Variants in ZNF236 observed in about 807,000 individuals in gnomAD.
ZNF236 encodes regulated by glucose.
ZNF236 carries 50 observed loss-of-function variants against 191.2 expected under a neutral mutation model. That is an observed-to-expected ratio of 0.26 (90% CI 0.21 to 0.33). The LOEUF (loss-of-function observed/expected upper bound fraction) is 0.33, where lower values mean the gene tolerates loss of function less well. Ranked by LOEUF, ZNF236 falls within the 10% of genes least tolerant of loss-of-function variation. ZNF236 has a pLI of 1.00. For synonymous variants in ZNF236, 907 were observed against 928.8 expected, an observed-to-expected ratio of 0.98 and a Z score of 0.43; for missense variants, 1,754 against 2,374.5, an observed-to-expected ratio of 0.74 and a Z score of 5.43.
At chr18:76,862,105 C>T (rs757636691) in intron 3 of ZNF236, among the ~76,000 whole-genome samples, 1 of 152,112 alleles carries the variant, frequency 6.6e-6, no homozygotes, top group Non-Finnish European at 1.5e-5. Flanking sequence ...CCTAGTGATC[C>T]GTCTGCCTCA....
chr18:76,849,816 A>G (rs1975805109), intron 2 of ZNF236, 148 bp downstream of exon 2: 1 of 744,188 alleles, frequency 1.3e-6, no homozygotes, highest in Non-Finnish European at 1.9e-6. Context: ...GGCCTTTTTA[A>G]AAGTTGTAGT....
At chr18:76,825,135 G>T (rs1423041223) in intron 1 of ZNF236, among the ~76,000 whole-genome samples, 1 of 152,136 alleles carries the variant, frequency 6.6e-6, no homozygotes, top group Non-Finnish European at 1.5e-5. Context: ...TTGTCTTAGG[G>T]CATTTGCCAT....
chr18:76,926,977 A>G, intron 22 of ZNF236, 60 bp from the exon 23 acceptor site: 3 of 1,546,434 alleles, frequency 1.9e-6, no homozygotes, highest in Non-Finnish European at 2.6e-6. Context: ...AAAATGAATT[A>G]CTTTAGTTTT....
intron 3 of ZNF236, among the ~76,000 whole-genome samples, chr18:76,868,230 A>G (rs1221692943): frequency 6.6e-6 from 1 of 152,094 alleles, no homozygotes; most frequent in Non-Finnish European, 1.5e-5. Flanking sequence ...CAAGACAGTG[A>G]TGTGGTCTAT....
At chr18:76,884,744 T>C (rs1290438616) in intron 9 of ZNF236, among the ~76,000 whole-genome samples, 1 of 152,176 alleles carries the variant, frequency 6.6e-6, no homozygotes, top group Non-Finnish European at 1.5e-5. Flanking sequence ...TTTGAAATTA[T>C]TATCTCTGCA....
intron 25 of ZNF236, among the ~76,000 whole-genome samples, chr18:76,930,587 AGT>A (rs1378856686): frequency 6.6e-6 from 1 of 152,222 alleles, no homozygotes; most frequent in African/African-American, 2.4e-5. Flanking sequence ...CAGGCATGTT[AGT>A]GTGTACTTGA....
Position 76,968,957 on chromosome 18 carries a change from G to A in ZNF236, c.*618G>A. On this transcript the variant is annotated 3_prime_UTR_variant, in exon 31 of 31. Transcript: ENST00000320610. ...ACAAATGTTTAATCATTAGTTACAA[G>A]AATGCAGTATCTGGGGCGTCAACAT... is the stretch of plus-strand genomic sequence containing the variant. 1 of 985,966 alleles carries A rather than the reference G, an allele frequency of 1.0e-6. No individual in the cohort carries two copies. The highest frequency in any genetic ancestry group is 4.7e-5 in the South Asian group (1 of 21,288). The allele number at this position is 985,966 out of a possible 1,614,324, so 61.1% of individuals were successfully genotyped here.
chr18:76,960,636 A>G lies in ZNF236; in HGVS notation c.5243-43A>G, dbSNP rs753160229. 4 of 1,611,732 alleles carry G rather than the reference A, an allele frequency of 2.5e-6. No individual in the cohort carries two copies. In the South Asian group the frequency reaches 3.3e-5, roughly 13 times the overall value. On this transcript the variant is annotated intron_variant, in intron 29 of 30. Coordinates refer to ENST00000320610, the MANE Select transcript of ZNF236 (RefSeq NM_001306089.2). This position sits in a 1 kb window ranked among gnomAD's most constrained non-coding sequence, Gnocchi z 4.4. ...TCAGGGTAGAGCCCAGGCATCCACT[A>G]TACTTTTCTTAGAGACATTGACATA...
At chr18:76,910,631 T>C (rs1391893697) in intron 15 of ZNF236, 29 bp from the exon 16 acceptor site, 6 of 1,598,334 alleles carry the variant, frequency 3.8e-6, no homozygotes, top group Non-Finnish European at 5.1e-6. Flanking sequence ...AATATTTTTG[T>C]AGAACTCCTC....
At chr18:76,967,885 A>G (rs900091193) in intron 30 of ZNF236, among the ~76,000 whole-genome samples, 2 of 152,118 alleles carry the variant, frequency 1.3e-5, no homozygotes, top group South Asian at 2.1e-4. Context: ...TTTAACGTCT[A>G]CACTGTAGTG....
Position 76,937,805 on chromosome 18 carries a change from G to A in ZNF236, c.4782+462G>A, listed in dbSNP as rs1968040142. On this transcript the variant is annotated intron_variant, in intron 26 of 30. Transcript: ENST00000320610. ...ATTCTTAGATGAATTCCTACCAGTA[G>A]AAGTGCTGTGCCAAAGGGGTGTACA... Among the ~76,000 whole-genome samples, 3 of 152,298 alleles carry A rather than the reference G, an allele frequency of 2.0e-5. No individual in the cohort carries two copies. The South Asian group carries it at 6.2e-4, about 32-fold the overall frequency.
In ZNF236 at chr18:76,824,594, G is replaced by T. The variant is rs139560995; in HGVS notation, c.55+1932G>T. Among the ~76,000 whole-genome samples the T allele has an allele frequency of 2.8e-3, 426 of 152,294 alleles. 1 individual carries two copies. Among genetic ancestry groups the T allele is most frequent in the Middle Eastern group, 0.017 (5 of 294 alleles). ...AAATAATGTAAGGTGCAGTGTCTCAGTTACTTGGAAGAAGGCTTAGGATAG... is the reference window on the plus strand; with the variant it reads ...AAATAATGTAAGGTGCAGTGTCTCATTTACTTGGAAGAAGGCTTAGGATAG... On this transcript the variant is annotated intron_variant, in intron 1 of 30. Coordinates refer to ENST00000320610, the MANE Select transcript of ZNF236 (RefSeq NM_001306089.2).
intron 26 of ZNF236, among the ~76,000 whole-genome samples, chr18:76,944,511 T>A (rs1968210661): frequency 6.6e-6 from 1 of 152,214 alleles, no homozygotes; most frequent in Non-Finnish European, 1.5e-5. Context: ...TAAGGTTGGC[T>A]GGGGGTGTGG....
chr18:76,843,792 A>AG (rs1975588472), intron 1 of ZNF236, among the ~76,000 whole-genome samples: 1 of 136,378 alleles, frequency 7.3e-6, no homozygotes, highest in African/African-American at 2.7e-5. Context: ...AAAAAAAAAA[A>AG]AAAAAAAAAA....
At chr18:76,827,401 T>C (rs755876316) in intron 1 of ZNF236, among the ~76,000 whole-genome samples, 20 of 152,176 alleles carry the variant, frequency 1.3e-4, no homozygotes, top group Non-Finnish European at 2.4e-4. Flanking sequence ...TTAGCTAGGA[T>C]GGTCTCGAAC....
chr18:76,899,325 T>A, intron 11 of ZNF236, 103 bp downstream of exon 11: 1 of 1,013,864 alleles, frequency 9.9e-7, no homozygotes, highest in Non-Finnish European at 1.4e-6. Context: ...TTAAATAGTT[T>A]TTTAGGCATA....
At chr18:76,943,882 T>TTA (rs1241295508) in intron 26 of ZNF236, among the ~76,000 whole-genome samples, 1 of 152,218 alleles carries the variant, frequency 6.6e-6, no homozygotes, top group Non-Finnish European at 1.5e-5. Flanking sequence ...GTTTTAAGTT[T>TTA]ATTAAGAGTT....
At chr18:76,848,281 C>G (rs1471227205) in intron 1 of ZNF236, among the ~76,000 whole-genome samples, 1 of 152,220 alleles carries the variant, frequency 6.6e-6, no homozygotes, top group African/African-American at 2.4e-5. Context: ...GGTTCTTCAG[C>G]TTACCCTGTA....
intron 1 of ZNF236, among the ~76,000 whole-genome samples, chr18:76,823,387 G>T (rs745596163): frequency 4.0e-5 from 6 of 151,686 alleles, no homozygotes; most frequent in South Asian, 4.2e-4. Context: ...TGTGATCCGG[G>T]GGGCTGGAAC....
Sources: allele counts gnomAD v4.1 joint callset (sites outside exome capture counted in the v4.1 genomes callset), GRCh38; gene constraint gnomAD v4.1.1; non-coding constraint Gnocchi (gnomAD v3.1); transcripts MANE v1.5; gene names NCBI Gene and HGNC (gene_info 2026-07-23, HGNC 2026-07-21).